HDAC9: variants seen among roughly 807,000 people sequenced by gnomAD.
The protein encoded by HDAC9 is MEF-2 interacting transcription repressor (MITR) protein.
In HDAC9, 41 loss-of-function variants were observed where a neutral mutation model predicts 139.4. That is an observed-to-expected ratio of 0.29 (90% confidence interval 0.23 to 0.38). HDAC9 has a LOEUF of 0.38. Ranked by LOEUF, HDAC9 falls within the 10% of genes least tolerant of loss-of-function variation. HDAC9 has a pLI of 1.00. For synonymous variants in HDAC9, 517 were observed against 476.2 expected (o/e 1.09, Z -1.12); for missense variants, 1,147 against 1,297.0 (o/e 0.88, Z 1.78).
intron 1 of HDAC9, among the ~76,000 whole-genome samples, chr7:18,335,216 A>G (rs962940475): frequency 1.3e-5 from 2 of 151,562 alleles, no homozygotes; most frequent in Admixed American, 1.3e-4. Context: ...GAAAATAGGA[A>G]GAAGTGAAAA....
intron 2 of HDAC9, among the ~76,000 whole-genome samples, chr7:18,527,761 A>T: frequency 6.6e-6 from 1 of 152,012 alleles, no homozygotes; most frequent in Non-Finnish European, 1.5e-5. Context: ...TTGTATTATT[A>T]TTTTTTCTAG....
chr7:18,950,612 A>G (rs1170841250), intron 23 of HDAC9, among the ~76,000 whole-genome samples: 1 of 152,016 alleles, frequency 6.6e-6, no homozygotes, highest in African/African-American at 2.4e-5. Context: ...TCACAACAAA[A>G]TAGAGAGTGG....
chr7:18,768,439 A>G (rs1479417353), intron 16 of HDAC9, among the ~76,000 whole-genome samples: 1 of 152,088 alleles, frequency 6.6e-6, no homozygotes, highest in East Asian at 1.9e-4. Context: ...CTCACCAGTG[A>G]CTTTTGCTTT....
intron 2 of HDAC9, among the ~76,000 whole-genome samples, chr7:18,193,716 G>A (rs1790526481): frequency 6.6e-6 from 1 of 152,066 alleles, no homozygotes; most frequent in African/African-American, 2.4e-5. Context: ...TATTTATACA[G>A]TGTCAGTTCT....
At chr7:18,931,133 G>C (rs1266374053) in intron 22 of HDAC9, among the ~76,000 whole-genome samples, 1 of 152,150 alleles carries the variant, frequency 6.6e-6, no homozygotes, top group Non-Finnish European at 1.5e-5. Flanking sequence ...ATGATTAACA[G>C]AAATGTGTCC....
chr7:18,875,542 A>G (rs1032983186), intron 22 of HDAC9, among the ~76,000 whole-genome samples: 4 of 152,134 alleles, frequency 2.6e-5, no homozygotes, highest in African/African-American at 9.7e-5. Context: ...AGTTTTCTGC[A>G]CTCTAATTGT....
intron 1 of HDAC9, among the ~76,000 whole-genome samples, chr7:18,415,526 G>A (rs1006957369): frequency 4.6e-5 from 7 of 152,312 alleles, no homozygotes; most frequent in Non-Finnish European, 8.8e-5. Flanking sequence ...AAAGAGCAAC[G>A]CTCTCTAACA....
At chr7:18,841,885 C>T (rs561708488) in intron 21 of HDAC9, among the ~76,000 whole-genome samples, 4 of 151,958 alleles carry the variant, frequency 2.6e-5, no homozygotes, top group African/African-American at 4.8e-5. Flanking sequence ...TTTTAATAAC[C>T]GATCTAATTA....
chr7:18,914,826 A>G (rs866534312), intron 22 of HDAC9, among the ~76,000 whole-genome samples: 37 of 152,222 alleles, frequency 2.4e-4, no homozygotes, highest in Middle Eastern at 6.8e-3. Context: ...TATAGCAGAA[A>G]AAACCTCTGG....
chr7:18,991,367 A>G (rs10247255), intron 25 of HDAC9, among the ~76,000 whole-genome samples: 66,845 of 151,956 alleles, frequency 0.44, 15,883 homozygotes, highest in Non-Finnish European at 0.55. Flanking sequence ...CAGGCTGGGC[A>G]CAGTGGCTCA....
At chr7:18,503,747 C>A (rs1368549832) in intron 2 of HDAC9, among the ~76,000 whole-genome samples, 2 of 152,102 alleles carry the variant, frequency 1.3e-5, no homozygotes, top group Non-Finnish European at 2.9e-5. Context: ...CTTTATTTTC[C>A]TGCTTCTCCT....
intron 17 of HDAC9, among the ~76,000 whole-genome samples, chr7:18,820,899 G>T (rs906742739): frequency 2.0e-5 from 3 of 152,166 alleles, no homozygotes; most frequent in Non-Finnish European, 4.4e-5. Flanking sequence ...ATATTATAGA[G>T]TGTCTTAGTC....
chr7:18,395,259 T>C lies in HDAC9; in HGVS notation c.-41-101003T>C, dbSNP rs1280376742. On this transcript the variant is annotated intron_variant, in intron 1 of 3. Coordinates refer to the HDAC9 transcript ENST00000413509. ...AAATAGTTTAACCTTAAAATAGGGC[T>C]AATTTTTAGCAACTTCACACATTAT... The C allele has an allele frequency of 2.0e-5, 3 of 152,262 alleles. No individual in the cohort carries two copies. In the East Asian group the frequency reaches 5.8e-4, roughly 29 times the overall value. 9.4% of individuals were successfully genotyped at this position (152,262 alleles called of 1,614,324 possible). A position where few individuals can be genotyped will look rare whatever the true frequency, so the allele number is the denominator to read the frequency against.
intron 1 of HDAC9, among the ~76,000 whole-genome samples, chr7:18,161,641 C>T (rs1341317938): frequency 6.6e-6 from 1 of 152,126 alleles, no homozygotes. Flanking sequence ...TCCTGTTAGT[C>T]TGACTCCTAG....
chr7:18,191,910 A>G (rs890020392), intron 2 of HDAC9, among the ~76,000 whole-genome samples: 2 of 152,248 alleles, frequency 1.3e-5, no homozygotes, highest in African/African-American at 4.8e-5. Flanking sequence ...GTTAGATTCT[A>G]TGTCAAGATT....
At chr7:18,938,847 A>G (rs1293768954) in intron 23 of HDAC9, among the ~76,000 whole-genome samples, 2 of 152,212 alleles carry the variant, frequency 1.3e-5, no homozygotes, top group Admixed American at 6.5e-5. Context: ...GGAGACCAGA[A>G]CGCAGAAAGA....
chr7:18,628,906 C>G (rs1237260206), intron 6 of HDAC9, among the ~76,000 whole-genome samples: 2 of 152,082 alleles, frequency 1.3e-5, no homozygotes, highest in Non-Finnish European at 2.9e-5. Flanking sequence ...CTTCTTATTA[C>G]CACAAGCCAG....
chr7:18,839,893 T>C (rs1019333390), intron 21 of HDAC9, among the ~76,000 whole-genome samples: 1 of 152,100 alleles, frequency 6.6e-6, no homozygotes, highest in African/African-American at 2.4e-5. Flanking sequence ...TGATTATTTA[T>C]GTCAGACCAT....
chr7:18,294,171 G>A (rs1277300459), intron 1 of HDAC9, among the ~76,000 whole-genome samples: 1 of 152,076 alleles, frequency 6.6e-6, no homozygotes, highest in East Asian at 1.9e-4. Flanking sequence ...TGAAATAAGT[G>A]ATGCTATAGT....
Sources: allele counts gnomAD v4.1 joint callset (sites outside exome capture counted in the v4.1 genomes callset), GRCh38; gene constraint gnomAD v4.1.1; transcripts MANE v1.5; gene names NCBI Gene and HGNC (gene_info 2026-07-23, HGNC 2026-07-21).